The following FNBP1L variants were observed in gnomAD, a reference collection of about 807,000 sequenced individuals.
FNBP1L encodes formin-binding protein 1-like.
In FNBP1L, 36 loss-of-function variants were observed where a neutral mutation model predicts 91.2. The observed-to-expected ratio is 0.39, with a 90% CI of 0.30 to 0.52. The LOEUF (loss-of-function observed/expected upper bound fraction) is 0.52, where lower values mean the gene tolerates loss of function less well. Ranked by LOEUF, FNBP1L falls within the 20% of genes least tolerant of loss-of-function variation. FNBP1L has a pLI of 0.66. For synonymous variants in FNBP1L, 242 were observed against 237.0 expected (o/e 1.02, Z -0.19); for missense variants, 571 against 732.1 (o/e 0.78, Z 2.54).
At chr1:93,476,377 A>T (rs1050207714) in intron 1 of FNBP1L, among the ~76,000 whole-genome samples, 9 of 152,180 alleles carry the variant, frequency 5.9e-5, no homozygotes, top group Non-Finnish European at 1.2e-4. Context: ...TCAAGGAGAG[A>T]TTAAATGAGA....
intron 1 of FNBP1L, among the ~76,000 whole-genome samples, chr1:93,454,217 A>G (rs1450857185): frequency 1.3e-5 from 2 of 152,158 alleles, no homozygotes; most frequent in African/African-American, 2.4e-5. Flanking sequence ...TTTGACTTGA[A>G]TTTGAGTGCA....
chr1:93,519,991 A>G (rs553297230), intron 2 of FNBP1L, among the ~76,000 whole-genome samples: 3 of 152,266 alleles, frequency 2.0e-5, no homozygotes, highest in African/African-American at 7.2e-5. Flanking sequence ...TCTTGATGGT[A>G]GGAACTCAAT....
intron 1 of FNBP1L, among the ~76,000 whole-genome samples, chr1:93,468,911 C>A (rs916763575): frequency 6.6e-6 from 1 of 152,066 alleles, no homozygotes; most frequent in Non-Finnish European, 1.5e-5. Flanking sequence ...TCCTTGCCAA[C>A]GGTTGATATC....
chr1:93,513,188 C>G (rs530706768), intron 2 of FNBP1L, among the ~76,000 whole-genome samples: 1 of 151,788 alleles, frequency 6.6e-6, no homozygotes, highest in South Asian at 2.1e-4. Flanking sequence ...ATAAATTCCT[C>G]GACACATACA....
At chr1:93,551,328 G>T (rs1266099191) in intron 16 of FNBP1L, 1 of 1,213,186 alleles carries the variant, frequency 8.2e-7, no homozygotes, top group Admixed American at 3.9e-5. Flanking sequence ...TAACGTTGGT[G>T]TGAAGCTTAA....
chr1:93,523,602 T>A, intron 4 of FNBP1L, 111 bp downstream of exon 4: 2 of 1,000,048 alleles, frequency 2.0e-6, no homozygotes, highest in Non-Finnish European at 2.8e-6. Flanking sequence ...TCTATTTCAC[T>A]ACATTTCTTC....
intron 5 of FNBP1L, among the ~76,000 whole-genome samples, chr1:93,524,581 CTTTTTTTTTTT>C (rs34173735): frequency 6.2e-5 from 7 of 113,430 alleles, no homozygotes; most frequent in African/African-American, 2.1e-4. Context: ...TAAGGAGATT[CTTTTTTTTTTT>C]TTTTTTTTTA....
chr1:93,523,870 T>C (rs1671416328), intron 4 of FNBP1L, among the ~76,000 whole-genome samples: 1 of 152,240 alleles, frequency 6.6e-6, no homozygotes, highest in Non-Finnish European at 1.5e-5. Context: ...CATTGACTTT[T>C]ATATTGCCTG....
intron 1 of FNBP1L, among the ~76,000 whole-genome samples, chr1:93,462,914 T>A (rs1327830571): frequency 1.3e-5 from 2 of 152,160 alleles, no homozygotes; most frequent in Non-Finnish European, 1.5e-5. Context: ...TCCTTTATGA[T>A]AAAGTATCTA....
At chr1:93,483,418 T>C (rs1420614224) in intron 1 of FNBP1L, among the ~76,000 whole-genome samples, 2 of 152,186 alleles carry the variant, frequency 1.3e-5, no homozygotes, top group African/African-American at 4.8e-5. Context: ...TCACAGTAAG[T>C]CATGAAAGAA....
intron 11 of FNBP1L, among the ~76,000 whole-genome samples, chr1:93,542,979 G>A (rs1672102135): frequency 6.6e-6 from 1 of 151,444 alleles, no homozygotes; most frequent in African/African-American, 2.4e-5. Flanking sequence ...TAGAGACAGG[G>A]TTTCATCATG....
chr1:93,548,870 T>G (rs188012267), intron 14 of FNBP1L, among the ~76,000 whole-genome samples: 4 of 152,124 alleles, frequency 2.6e-5, no homozygotes, highest in Non-Finnish European at 5.9e-5. Context: ...CACTCCAGAT[T>G]CAGAATAGAA....
chr1:93,459,375 C>G (rs1668783295), intron 1 of FNBP1L, among the ~76,000 whole-genome samples: 1 of 152,040 alleles, frequency 6.6e-6, no homozygotes, highest in Non-Finnish European at 1.5e-5. Flanking sequence ...ACTCAGACAA[C>G]TCTAGCAAGA....
At chr1:93,490,403 A>T (rs1670053903) in intron 1 of FNBP1L, among the ~76,000 whole-genome samples, 1 of 152,222 alleles carries the variant, frequency 6.6e-6, no homozygotes, top group African/African-American at 2.4e-5. Flanking sequence ...TTACAAAATT[A>T]AAAAAGAATG....
In FNBP1L at chr1:93,533,123, T is replaced by A. The variant is rs237437; in HGVS notation, c.786+55T>A. On this transcript the variant is annotated intron_variant, in intron 8 of 16. Transcript: ENST00000271234. Reference sequence around the variant, plus strand: ...ATCTGTTTGGTTTAGGTGTGCAGTTTAAGTTAGTGAAATGAGTTGAGAAAG... The same window carrying A: ...ATCTGTTTGGTTTAGGTGTGCAGTTAAAGTTAGTGAAATGAGTTGAGAAAG... 2,347 of 1,516,418 alleles carry A rather than the reference T, an allele frequency of 1.5e-3. 27 individuals carry two copies. The African/African-American group carries it at 0.026, about 17-fold the overall frequency. The allele number at this position is 1,516,418 out of a possible 1,614,324, so 93.9% of individuals were successfully genotyped here.
At chr1:93,451,893 G>A (rs1209129432) in intron 1 of FNBP1L, among the ~76,000 whole-genome samples, 3 of 152,192 alleles carry the variant, frequency 2.0e-5, no homozygotes, top group South Asian at 2.1e-4. Context: ...ATTGTGATCC[G>A]CCCGCCTCGG....
At chr1:93,516,716 GAAA>G (rs955499800) in intron 2 of FNBP1L, among the ~76,000 whole-genome samples, 3 of 145,386 alleles carry the variant, frequency 2.1e-5, no homozygotes, top group Non-Finnish European at 4.5e-5. Flanking sequence ...TGAGGCAGGA[GAAA>G]AAAAAAAAGT....
intron 1 of FNBP1L, among the ~76,000 whole-genome samples, chr1:93,465,320 A>G (rs998435733): frequency 6.6e-6 from 1 of 151,930 alleles, no homozygotes; most frequent in Non-Finnish European, 1.5e-5. Flanking sequence ...CATCATATAC[A>G]TTATGTATTT....
At chr1:93,450,420 G>T (rs1326078834) in intron 1 of FNBP1L, among the ~76,000 whole-genome samples, 1 of 152,018 alleles carries the variant, frequency 6.6e-6, no homozygotes, top group East Asian at 1.9e-4. Flanking sequence ...AGGATTTGAG[G>T]GAAACATTTA....
Sources: gnomAD v4.1 joint callset for allele counts (sites outside exome capture counted in the v4.1 genomes callset) on GRCh38, gnomAD v4.1.1 for gene constraint, MANE v1.5 for transcripts, NCBI Gene and HGNC (gene_info 2026-07-23, HGNC 2026-07-21) for gene names.